Variants in COL16A1 observed in about 807,000 individuals in gnomAD.
The protein encoded by COL16A1 is collagen alpha-1(XVI) chain.
In COL16A1, 189 loss-of-function variants were observed where a neutral mutation model predicts 266.3. The observed-to-expected ratio is 0.71, with a 90% confidence interval of 0.63 to 0.80. The LOEUF is 0.80. COL16A1 is among the 30% of genes least tolerant of loss of function. COL16A1 has a pLI of 0.00. For synonymous variants in COL16A1, 740 were observed against 782.3 expected (o/e 0.95, Z 0.90); for missense variants, 1,928 against 2,122.4 (o/e 0.91, Z 1.80).
chr1:31,695,671 G>T, intron 10 of COL16A1, 90 bp downstream of exon 10: 1 of 1,245,694 alleles, frequency 8.0e-7, no homozygotes, highest in Non-Finnish European at 1.2e-6. Flanking sequence ...TAGTCAGCCA[G>T]CACCCCTATG....
Position 31,654,808 on chromosome 1 carries a change from G to A in COL16A1, c.4341C>T (p.Ile1447=), listed in dbSNP as rs1410824473. The A allele has an allele frequency of 5.6e-6, 9 of 1,613,896 alleles. No homozygotes were observed. The highest frequency in any genetic ancestry group is 7.6e-6 in the Non-Finnish European group (9 of 1,180,002). Residue 1447 remains isoleucine (I), a synonymous_variant, in exon 68 of 71, where the codon ATC becomes ATT. Coordinates refer to ENST00000373672, the MANE Select transcript of COL16A1 (RefSeq NM_001856.4). ...GCCAGTTACCATCAAACATTTTAAT[G>A]ATCTCTTGTCTGATGAACCTCTTGA... ...DEIKRFIRQE[I]IKMFDERMAY... is the part of the protein sequence containing the mutation.
chr1:31,662,307 G>GCCCCC, intron 58 of COL16A1, 27 bp downstream of exon 58: 1 of 1,598,010 alleles, frequency 6.3e-7, no homozygotes, highest in Non-Finnish European at 8.5e-7. Context: ...AGGAAGGGGT[G>GCCCCC]CCCGCCCTCC....
Position 31,652,585 on chromosome 1 carries a change from A to G in COL16A1, c.*66T>C, listed in dbSNP as rs1333389284. 3 of 1,418,938 alleles carry G rather than the reference A, an allele frequency of 2.1e-6. No individual in the cohort carries two copies. The African/African-American group carries it at 4.4e-5, about 21-fold the overall frequency. The allele number at this position is 1,418,938 out of a possible 1,614,324, so 87.9% of individuals were successfully genotyped here. A position where few individuals can be genotyped will look rare whatever the true frequency, so the allele number is the denominator to read the frequency against. On this transcript the variant is annotated 3_prime_UTR_variant, in exon 71 of 71. Transcript: ENST00000373672. This position sits in a 1 kb window ranked among gnomAD's most constrained non-coding sequence, Gnocchi z 4.8. ...AAAAAAAACATTCACAACCTGTCAC[A>G]GAGTCCTATAAGCTTTGGCCATTTA...
In COL16A1 at chr1:31,691,405, G is replaced by A; in HGVS notation, c.1398+12C>T. 1.2e-6 allele frequency: 2 copies of A among 1,606,356 alleles called. No homozygotes were observed. The highest frequency in any genetic ancestry group is 1.7e-6 in the Non-Finnish European group (2 of 1,175,648). ...GAGAAAAGCACAGCAGGAGAAGCAA[G>A]GGGGTACTCACCGGGGTCCCAGGCA... On this transcript the variant is annotated intron_variant, in intron 19 of 70. Transcript: ENST00000373672.
chr1:31,661,409 C>T lies in COL16A1; in HGVS notation c.3771+5G>A, dbSNP rs1426225213. 1.9e-6 allele frequency: 3 copies of T among 1,613,928 alleles called. No individual in the cohort carries two copies. Among genetic ancestry groups the T allele is most frequent in the Non-Finnish European group, 2.5e-6 (3 of 1,180,046 alleles). On this transcript the variant is annotated splice_donor_5th_base_variant and intron_variant, in intron 60 of 70. Transcript: ENST00000373672. Reference sequence around the variant, plus strand: ...ACCTGCTTGGCAGAGGTCACCAGCCCTTACCTTAGGTCCTGGGAGGCCAGG... The same window carrying T: ...ACCTGCTTGGCAGAGGTCACCAGCCTTTACCTTAGGTCCTGGGAGGCCAGG...
In COL16A1 at chr1:31,668,257, A is replaced by G; in HGVS notation, c.3250-39T>C. On this transcript the variant is annotated intron_variant, in intron 50 of 70. Coordinates refer to ENST00000373672, the MANE Select transcript of COL16A1 (RefSeq NM_001856.4). This position sits in a 1 kb window ranked among gnomAD's most constrained non-coding sequence, Gnocchi z 5.8. ...CAGACATGATGGATAGCCCCCCAAC[A>G]TTTCTGTTCTCCCCTCGCTGGGTAA... 1.9e-6 allele frequency: 3 copies of G among 1,605,168 alleles called. No individual in the cohort carries two copies. The highest frequency in any genetic ancestry group is 1.1e-5 in the South Asian group (1 of 90,800).
At chr1:31,654,124 C>T in intron 68 of COL16A1, 81 bp from the exon 69 acceptor site, 2 of 1,528,086 alleles carry the variant, frequency 1.3e-6, no homozygotes, top group Non-Finnish European at 1.8e-6. Flanking sequence ...GCATATAGGC[C>T]ACCAGCATGA....
Position 31,670,502 on chromosome 1 carries a change from G to A in COL16A1, c.3195+100C>T, listed in dbSNP as rs1642566164. On this transcript the variant is annotated intron_variant, in intron 49 of 70. Coordinates refer to ENST00000373672, the MANE Select transcript of COL16A1 (RefSeq NM_001856.4). This position sits in a 1 kb window ranked among gnomAD's most constrained non-coding sequence, Gnocchi z 4.5. ...GTGCCTGAAGGGGGACAACAAACAC[G>A]GAGGACGGAGGTGAAGGCACGACAG... 11 of 1,278,526 alleles carry A rather than the reference G, an allele frequency of 8.6e-6. No individual in the cohort carries two copies. Among genetic ancestry groups the A allele is most frequent in the Non-Finnish European group, 1.1e-5 (11 of 999,908 alleles). 79.2% of individuals were successfully genotyped at this position (1,278,526 alleles called of 1,614,324 possible). A position where few individuals can be genotyped will look rare whatever the true frequency, so the allele number is the denominator to read the frequency against.
At chr1:31,684,666 C>A (rs1218779446) in intron 30 of COL16A1, 36 bp from the exon 31 acceptor site, 1 of 1,609,928 alleles carries the variant, frequency 6.2e-7, no homozygotes, top group African/African-American at 1.3e-5. Context: ...GCAAGGATGG[C>A]CCAGCCGGGG....
chr1:31,676,107 C>T (rs1643158272), intron 42 of COL16A1, among the ~76,000 whole-genome samples: 1 of 151,954 alleles, frequency 6.6e-6, no homozygotes, highest in African/African-American at 2.4e-5. Flanking sequence ...GGCGGATCAC[C>T]TGAGGCCGGG....
At chr1:31,676,865 T>G (rs1643230698) in intron 42 of COL16A1, among the ~76,000 whole-genome samples, 1 of 152,216 alleles carries the variant, frequency 6.6e-6, no homozygotes, top group Non-Finnish European at 1.5e-5. Flanking sequence ...AGGATTTCCT[T>G]GGCGCACTCT....
At chr1:31,684,311 ACT>A in intron 31 of COL16A1, 80 bp from the exon 32 acceptor site, 2 of 1,446,972 alleles carry the variant, frequency 1.4e-6, no homozygotes, top group Non-Finnish European at 1.8e-6. Flanking sequence ...CCCTCTGAAC[ACT>A]CTGCCCCTTG....
intron 42 of COL16A1, among the ~76,000 whole-genome samples, chr1:31,676,456 A>C (rs1316001880): frequency 6.6e-6 from 1 of 152,170 alleles, no homozygotes; most frequent in South Asian, 2.1e-4. Context: ...CAATTCTAGC[A>C]TCATTCCTCA....
At chr1:31,681,142 G>C (rs778400662) in intron 37 of COL16A1, 75 bp from the exon 38 acceptor site, 1 of 1,525,576 alleles carries the variant, frequency 6.6e-7, no homozygotes, top group African/African-American at 1.4e-5. Flanking sequence ...CAGAAAAGGG[G>C]TGTAGGACAA....
Position 31,657,132 on chromosome 1 carries a change from C to T in COL16A1, c.4021-64G>A. The T allele has an allele frequency of 2.5e-6, 4 of 1,599,938 alleles. No homozygotes were observed. Among genetic ancestry groups the T allele is most frequent in the African/African-American group, 1.3e-5 (1 of 74,734 alleles). On this transcript the variant is annotated intron_variant, in intron 64 of 70. Coordinates refer to ENST00000373672, the MANE Select transcript of COL16A1 (RefSeq NM_001856.4). The surrounding 1 kb of genome is among the most constrained non-coding windows in gnomAD (Gnocchi z 6.4). ...ACCCAGTTTGGTGTCAGATGCCTCACTTTGTACATGGGGCAAGCCCAGCCC... is the reference window on the plus strand; with the variant it reads ...ACCCAGTTTGGTGTCAGATGCCTCATTTTGTACATGGGGCAAGCCCAGCCC...
At position 31,683,250 on chromosome 1, in the gene COL16A1, G is replaced by A. The variant is rs1052018224; in HGVS notation, c.2416-3C>T. ...GGTCCCCGAGGTCCCGGAAGTCCCTGCAGATGGAAGCACAGTTAGTTAACC... is the reference window on the plus strand; with the variant it reads ...GGTCCCCGAGGTCCCGGAAGTCCCTACAGATGGAAGCACAGTTAGTTAACC... On this transcript the variant is annotated splice_polypyrimidine_tract_variant and splice_region_variant and intron_variant, in intron 35 of 70. Transcript: ENST00000373672. 6.2e-6 allele frequency: 10 copies of A among 1,614,090 alleles called. No homozygotes were observed. In the African/African-American group the frequency reaches 1.1e-4, roughly 17 times the overall value.
Position 31,662,383 on chromosome 1 carries a change from G to A in COL16A1, c.3632C>T (p.Pro1211Leu). The A allele has an allele frequency of 6.2e-7, 1 of 1,612,394 alleles. No individual in the cohort carries two copies. Among genetic ancestry groups the A allele is most frequent in the Admixed American group, 1.7e-5 (1 of 59,878 alleles). Residue 1211 changes from proline to leucine, a missense_variant, in exon 58 of 71, where the codon CCC (proline) becomes CTC (leucine). By Grantham distance (98) the Pro-to-Leu change is moderately conservative. Transcript: ENST00000373672. ...CCCATCCAAACCATCCAGACCGGCG[G>A]GGCCCTGGAAACAGGAAAGAGGCAT... ...GPPGPPGIQGPAGLDGLDGKD... is the reference protein window; with the variant it reads ...GPPGPPGIQGLAGLDGLDGKD...
At chr1:31,695,911 G>T in intron 9 of COL16A1, 124 bp from the exon 10 acceptor site, 1 of 1,002,492 alleles carries the variant, frequency 1.0e-6, no homozygotes, top group Non-Finnish European at 1.6e-6. Context: ...CACTGCGTCT[G>T]TCTCACCCCC....
At chr1:31,658,786 G>T in intron 63 of COL16A1, 128 bp downstream of exon 63, 1 of 1,216,414 alleles carries the variant, frequency 8.2e-7, no homozygotes, top group Non-Finnish European at 1.2e-6. Flanking sequence ...AGGCAGGAGA[G>T]GCTGACACCA....
Sources: gnomAD v4.1 joint callset for allele counts (sites outside exome capture counted in the v4.1 genomes callset) on GRCh38, gnomAD v4.1.1 for gene constraint, Gnocchi (gnomAD v3.1) non-coding constraint, MANE v1.5 for transcripts, NCBI Gene and HGNC (gene_info 2026-07-23, HGNC 2026-07-21) for gene names.